Variants in IRAG1 observed in about 807,000 individuals in gnomAD.
The protein encoded by IRAG1 is IP3R-associated cGMP kinase substrate.
A neutral mutation model predicts 106.2 loss-of-function variants in IRAG1; 62 were observed. That is an observed-to-expected ratio of 0.58 (90% CI 0.48 to 0.72). IRAG1 has a LOEUF of 0.72. Among genes scored for constraint, IRAG1 ranks in the 30% least tolerant of loss-of-function variants. The probability of loss-of-function intolerance (pLI) is 0.00; values close to 1 mark genes in which losing one functional copy is unlikely to be tolerated. For synonymous variants in IRAG1, 462 were observed against 443.9 expected (o/e 1.04, Z -0.51); for missense variants, 1,064 against 1,140.7 (o/e 0.93, Z 0.97).
At chr11:10,577,584 G>A (rs1850955863) in intron 20 of IRAG1, among the ~76,000 whole-genome samples, 1 of 152,146 alleles carries the variant, frequency 6.6e-6, no homozygotes. Flanking sequence ...CAAGGAGGTG[G>A]GGAAAGTGAT....
At chr11:10,680,014 C>T (rs1218127056) in intron 1 of IRAG1, among the ~76,000 whole-genome samples, 1 of 152,026 alleles carries the variant, frequency 6.6e-6, no homozygotes, top group East Asian at 1.9e-4. Flanking sequence ...TGGCTCGCAC[C>T]TCTAATCCCA....
intron 2 of IRAG1, among the ~76,000 whole-genome samples, chr11:10,646,490 T>G (rs1589908621): frequency 6.6e-6 from 1 of 152,240 alleles, no homozygotes; most frequent in East Asian, 1.9e-4. Context: ...CAGTCCCTAT[T>G]TCTGAGCCAA....
At chr11:10,626,726 G>C in intron 8 of IRAG1, 143 bp from the exon 9 acceptor site, 2 of 982,242 alleles carry the variant, frequency 2.0e-6, no homozygotes, top group Non-Finnish European at 2.8e-6. Context: ...ATGAGTGGAC[G>C]ATGTGGAAGG....
chr11:10,625,237 G>C (rs1282620145), intron 9 of IRAG1, among the ~76,000 whole-genome samples: 3 of 152,190 alleles, frequency 2.0e-5, no homozygotes, highest in Non-Finnish European at 4.4e-5. Context: ...CTCTGAGGGT[G>C]CTGGGCCTCA....
chr11:10,576,228 G>T lies in IRAG1; in HGVS notation c.*104C>A. 1.4e-6 allele frequency: 2 copies of T among 1,459,032 alleles called. No individual in the cohort carries two copies. The highest frequency in any genetic ancestry group is 2.3e-5 in the East Asian group (1 of 42,698). 90.4% of individuals were successfully genotyped at this position (1,459,032 alleles called of 1,614,324 possible). On this transcript the variant is annotated 3_prime_UTR_variant, in exon 21 of 21. Coordinates refer to ENST00000423302, the MANE Select transcript of IRAG1 (RefSeq NM_130385.4). Reference sequence around the variant, plus strand: ...AAAGAACCCTTCCTCATGACCTGATGGGATGGGCGGCAGTGTGTCCACACT... The same window carrying T: ...AAAGAACCCTTCCTCATGACCTGATTGGATGGGCGGCAGTGTGTCCACACT...
chr11:10,627,494 C>T (rs1482086404), intron 8 of IRAG1, among the ~76,000 whole-genome samples: 1 of 152,076 alleles, frequency 6.6e-6, no homozygotes, highest in Non-Finnish European at 1.5e-5. Flanking sequence ...GTGAGTATTG[C>T]CTCCACGGAG....
intron 2 of IRAG1, among the ~76,000 whole-genome samples, chr11:10,650,741 C>A (rs752689629): frequency 4.6e-5 from 7 of 152,196 alleles, no homozygotes; most frequent in African/African-American, 1.7e-4. Flanking sequence ...TGATAAAACC[C>A]TGGGCTGGGC....
chr11:10,646,520 C>A (rs1018673495), intron 2 of IRAG1, among the ~76,000 whole-genome samples: 1 of 152,188 alleles, frequency 6.6e-6, no homozygotes, highest in African/African-American at 2.4e-5. Flanking sequence ...AAGGCCAGCA[C>A]CTCCATAGCC....
intron 13 of IRAG1, 77 bp from the exon 14 acceptor site, chr11:10,603,328 G>A: frequency 6.5e-7 from 1 of 1,540,290 alleles, no homozygotes; most frequent in Non-Finnish European, 8.8e-7. Context: ...AACCTTTTCG[G>A]CCTCAGGGAC....
At chr11:10,634,120 T>C (rs1187930739) in intron 2 of IRAG1, 49 bp from the exon 3 acceptor site, 3 of 1,182,926 alleles carry the variant, frequency 2.5e-6, no homozygotes, top group Non-Finnish European at 3.7e-6. Flanking sequence ...CTGGTGGGAC[T>C]TCCAGGGACA....
At chr11:10,590,863 C>T (rs1852568474) in intron 18 of IRAG1, among the ~76,000 whole-genome samples, 1 of 152,208 alleles carries the variant, frequency 6.6e-6, no homozygotes, top group Non-Finnish European at 1.5e-5. Context: ...TACTCTTCTT[C>T]ATGGAGTCAT....
At chr11:10,604,282 G>T in intron 13 of IRAG1, 123 bp downstream of exon 13, 1 of 1,261,752 alleles carries the variant, frequency 7.9e-7, no homozygotes, top group Non-Finnish European at 1.1e-6. Flanking sequence ...CACTGTCAGA[G>T]TCTTGGCTCA....
chr11:10,582,231 G>A (rs536631419), intron 18 of IRAG1, among the ~76,000 whole-genome samples: 10 of 152,212 alleles, frequency 6.6e-5, no homozygotes, highest in Middle Eastern at 6.8e-3. Context: ...CCAAACTGGC[G>A]TTTATTCTTA....
At chr11:10,653,126 C>T (rs1194005768) in intron 1 of IRAG1, among the ~76,000 whole-genome samples, 7 of 152,172 alleles carry the variant, frequency 4.6e-5, no homozygotes, top group East Asian at 1.9e-4. Flanking sequence ...GTTCTAGGAC[C>T]AGATGCTTTC....
intron 16 of IRAG1, 104 bp from the exon 17 acceptor site, chr11:10,593,703 T>C: frequency 1.1e-6 from 1 of 886,486 alleles, no homozygotes; most frequent in Non-Finnish European, 1.7e-6. Context: ...TGTAATGGCA[T>C]TCACTGGATA....
rs1290164214 is a variant in IRAG1 at position 10,576,064 on chromosome 11, AG to A, written c.*267del. The A allele has an allele frequency of 7.1e-5, 33 of 463,982 alleles. No individual in the cohort carries two copies. In the East Asian group the frequency reaches 1.3e-3, roughly 18 times the overall value. 28.7% of individuals were successfully genotyped at this position (463,982 alleles called of 1,614,324 possible). On this transcript the variant is annotated 3_prime_UTR_variant, in exon 21 of 21. Coordinates refer to ENST00000423302, the MANE Select transcript of IRAG1 (RefSeq NM_130385.4). Reference sequence around the variant, plus strand: ...CCCAGCCACCTGAGCTAGGGGCAGGAGACCTTCCCTTCCAATAGAGTTCCTT... The same window carrying A: ...CCCAGCCACCTGAGCTAGGGGCAGGAACCTTCCCTTCCAATAGAGTTCCTT...
At chr11:10,577,721 C>T (rs1002028718) in intron 20 of IRAG1, among the ~76,000 whole-genome samples, 2 of 152,272 alleles carry the variant, frequency 1.3e-5, no homozygotes, top group South Asian at 2.1e-4. Context: ...TTGACAGACT[C>T]AATAAATGCC....
intron 2 of IRAG1, among the ~76,000 whole-genome samples, chr11:10,645,976 C>G (rs1857909066): frequency 6.6e-6 from 1 of 152,228 alleles, no homozygotes; most frequent in Non-Finnish European, 1.5e-5. Context: ...TCCTATAACT[C>G]TTAGTTTCTA....
intron 11 of IRAG1, 142 bp downstream of exon 11, chr11:10,609,586 A>C: frequency 1.0e-6 from 1 of 966,432 alleles, no homozygotes; most frequent in African/African-American, 1.7e-5. Flanking sequence ...TTTGTTTCGA[A>C]TGCATTATCC....
Sources: allele counts gnomAD v4.1 joint callset (sites outside exome capture counted in the v4.1 genomes callset), GRCh38; gene constraint gnomAD v4.1.1; transcripts MANE v1.5; gene names NCBI Gene and HGNC (gene_info 2026-07-23, HGNC 2026-07-21).